Variants in KCNS1 observed in about 807,000 individuals in gnomAD.
KCNS1 encodes potassium voltage-gated channel modifier subfamily S member 1.
Under a neutral mutation model 33.1 loss-of-function variants are expected in KCNS1, and 26 were observed. The ratio of observed to expected loss-of-function variants is 0.79; its 90% confidence interval spans 0.58 to 1.09. KCNS1 has a LOEUF of 1.09. Ranked by LOEUF, KCNS1 falls within the 50% of genes least tolerant of loss-of-function variation. The pLI, the probability that KCNS1 is intolerant of heterozygous loss-of-function variation, is 0.00. For synonymous variants in KCNS1, 299 were observed against 338.8 expected, an observed-to-expected ratio of 0.88 and a Z score of 1.29; for missense variants, 702 against 752.4, an observed-to-expected ratio of 0.93 and a Z score of 0.78.
At chr20:45,100,383 GA>G (rs1256030697) in intron 1 of KCNS1, 11 of 152,224 alleles carry the variant, frequency 7.2e-5, no homozygotes, top group Middle Eastern at 3.2e-3. Flanking sequence ...ATCAAAAAAT[GA>G]AATTTCTAAT....
Position 45,099,250 on chromosome 20 carries a change from G to C in KCNS1, c.-3-11C>G, listed in dbSNP as rs376467089. On this transcript the variant is annotated splice_polypyrimidine_tract_variant and intron_variant, in intron 1 of 3. Transcript: ENST00000537075. ...CAGCATCAGCATCACCTGGGAATTT[G>C]TCAAAGATGCAAATTCTCAGCCTGC... 2.1e-5 allele frequency: 28 copies of C among 1,364,538 alleles called. No individual in the cohort carries two copies. In the African/African-American group the frequency reaches 3.0e-4, roughly 15 times the overall value. 84.5% of individuals were successfully genotyped at this position (1,364,538 alleles called of 1,614,324 possible).
At chr20:45,096,525 C>T (rs1032129781) in intron 3 of KCNS1, among the ~76,000 whole-genome samples, 10 of 152,176 alleles carry the variant, frequency 6.6e-5, no homozygotes, top group Non-Finnish European at 1.5e-4. Context: ...TGAGGGCATA[C>T]AAGAGGCTTT....
rs142611174 is a variant in KCNS1 at position 45,100,860 on chromosome 20, C to G, written c.-4+61G>C. On this transcript the variant is annotated intron_variant, in intron 1 of 3. Coordinates refer to ENST00000537075, the MANE Select transcript of KCNS1 (RefSeq NM_001322799.2). ...CCAGGAGCCCCAGGCAGCCCCGCCTCCCACTCTGGCTGCCCGGGACCGTCC... is the reference window on the plus strand; with the variant it reads ...CCAGGAGCCCCAGGCAGCCCCGCCTGCCACTCTGGCTGCCCGGGACCGTCC... The G allele has an allele frequency of 2.4e-3, 360 of 152,906 alleles. 1 individual carries two copies. The highest frequency in any genetic ancestry group is 8.4e-3 in the African/African-American group (349 of 41,566). The allele number at this position is 152,906 out of a possible 1,614,324, so 9.5% of individuals were successfully genotyped here. A position where few individuals can be genotyped will look rare whatever the true frequency, so the allele number is the denominator to read the frequency against.
Position 45,097,850 on chromosome 20 carries a change from T to C in KCNS1, c.922A>G (p.Ile308Val), listed in dbSNP as rs760582734. ...RNFFCHPLNL[I>V]DIVSVLPFYL... ...AAGGGCAGCACAGACACAATGTCGA[T>C]GAGGTTGAGCGGGTGGCAGAAGAAG... The change falls in exon 3 of 4, where the codon ATC becomes GTC. Residue 308 changes from isoleucine to valine, a missense_variant. Physicochemically the swap from Ile to Val is conservative, Grantham distance 29. Coordinates refer to ENST00000537075, the MANE Select transcript of KCNS1 (RefSeq NM_001322799.2). 1 of 1,613,506 alleles carries C rather than the reference T, an allele frequency of 6.2e-7. No homozygotes were observed. Among genetic ancestry groups the C allele is most frequent in the Non-Finnish European group, 8.5e-7 (1 of 1,179,894 alleles).
rs1301357992 is a variant in KCNS1 at position 45,099,148 on chromosome 20, T to C, written c.76+13A>G. On this transcript the variant is annotated intron_variant, in intron 2 of 3. Transcript: ENST00000537075. ...ACCTGTTTCTTCTGCAAAATGAGGA[T>C]AGTAACACTTACCTCCTAGGGGTGT... 4 of 1,550,858 alleles carry C rather than the reference T, an allele frequency of 2.6e-6. No homozygotes were observed. The highest frequency in any genetic ancestry group is 2.4e-5 in the East Asian group (1 of 40,898).
At chr20:45,097,378 C>A (rs978943904) in intron 3 of KCNS1, among the ~76,000 whole-genome samples, 4 of 152,222 alleles carry the variant, frequency 2.6e-5, no homozygotes, top group Non-Finnish European at 5.9e-5. Context: ...CAAAAGTGAT[C>A]TTTGTCTTTT....
At position 45,094,986 on chromosome 20, in the gene KCNS1, T is replaced by C. The variant is rs734784; in HGVS notation, c.1465A>G (p.Ile489Val). The change falls in exon 4 of 4, where the codon ATT becomes GTT. Residue 489 changes from isoleucine to valine, a missense_variant. Transcript: ENST00000537075. ...AGAGATGCCTCCGACACCCCATCAA[T>C]GCTGCTCAGCAAGTCCTCAAACTCT... ...HQEFEDLLSS[I>V]DGVSEASLET... 0.44 allele frequency: 709,808 copies of C among 1,613,382 alleles called. 160,825 individuals are homozygous for C. Among genetic ancestry groups the C allele is most frequent in the African/African-American group, 0.56 (41,982 of 74,776 alleles).
intron 3 of KCNS1, 44 bp from the exon 4 acceptor site, chr20:45,095,384 C>T: frequency 1.3e-6 from 2 of 1,545,100 alleles, no homozygotes; most frequent in Non-Finnish European, 1.8e-6. Context: ...GATGGGCTTA[C>T]AGTCCTGGTA....
chr20:45,097,747 T>C lies in KCNS1; in HGVS notation c.1025A>G (p.Gln342Arg), dbSNP rs1981232760. 2 of 1,612,950 alleles carry C rather than the reference T, an allele frequency of 1.2e-6. No individual in the cohort carries two copies. The highest frequency in any genetic ancestry group is 2.7e-5 in the African/African-American group (2 of 74,952). Reference sequence around the variant, plus strand: ...GAAGATGCGCATGAGGCGGAACACCTGCACCACCTTGCCCAGGTGGCCGAA... The same window carrying C: ...GAAGATGCGCATGAGGCGGAACACCCGCACCACCTTGCCCAGGTGGCCGAA... Reference protein sequence around the residue: ...KEFGHLGKVVQVFRLMRIFRV... With the variant: ...KEFGHLGKVVRVFRLMRIFRV... The change falls in exon 3 of 4, where the codon CAG (glutamine) becomes CGG (arginine). Residue 342 changes from glutamine to arginine, a missense_variant. Gln to Arg is a conservative substitution (Grantham distance 43, BLOSUM62 1). Transcript: ENST00000537075.
At position 45,098,641 on chromosome 20, in the gene KCNS1, C is replaced by A; in HGVS notation, c.131G>T (p.Arg44Leu). ...CAGCGCCTCGTCGCTTCGCCGCCAG[C>A]GGATCCCGGTGTCGGGGCCCGGGAA... ...SEFPGPDTGI[R>L]WRRSDEALRV... The change falls in exon 3 of 4, where the codon CGC becomes CTC. Residue 44 changes from arginine (R) to leucine (L), a missense_variant. Coordinates refer to ENST00000537075, the MANE Select transcript of KCNS1 (RefSeq NM_001322799.2). The surrounding 1 kb of genome is among the most constrained non-coding windows in gnomAD (Gnocchi z 5.2). 6.8e-7 allele frequency: 1 copy of A among 1,474,278 alleles called. No homozygotes were observed. The allele number at this position is 1,474,278 out of a possible 1,614,324, so 91.3% of individuals were successfully genotyped here.
chr20:45,099,180 C>G lies in KCNS1; in HGVS notation c.57G>C (p.Val19=). The change falls in exon 2 of 4, where the codon GTG becomes GTC. Residue 19 remains valine (V), a synonymous_variant. Transcript: ENST00000537075. ...THYENLRSKV[V]LPTPLGGRST... is the part of the protein sequence containing the mutation. Reference sequence around the variant, plus strand: ...ACTTACCTCCTAGGGGTGTTGGCAGCACCACTTTAGACCGGAGGTTCTCAT... The same window carrying G: ...ACTTACCTCCTAGGGGTGTTGGCAGGACCACTTTAGACCGGAGGTTCTCAT... The G allele has an allele frequency of 6.4e-7, 1 of 1,551,556 alleles. No individual in the cohort carries two copies. Among genetic ancestry groups the G allele is most frequent in the South Asian group, 1.2e-5 (1 of 84,062 alleles).
At position 45,095,258 on chromosome 20, in the gene KCNS1, T is replaced by C; in HGVS notation, c.1193A>G (p.Glu398Gly). The change falls in exon 4 of 4, where the codon GAA becomes GGA. Residue 398 changes from glutamate (E) to glycine (G), a missense_variant. Transcript: ENST00000537075. ...GTTAAAGCCCACGTCCTCCTCCTTT[T>C]CAGCTGTGTAGGCCACACCAGAGAA... Reference protein sequence around the residue: ...SVFSGVAYTAEKEEDVGFNTI... With the variant: ...SVFSGVAYTAGKEEDVGFNTI... 1.2e-6 allele frequency: 2 copies of C among 1,613,932 alleles called. No individual in the cohort carries two copies. Among genetic ancestry groups the C allele is most frequent in the Non-Finnish European group, 1.7e-6 (2 of 1,179,992 alleles).
At chr20:45,095,909 G>A (rs1981170483) in intron 3 of KCNS1, among the ~76,000 whole-genome samples, 1 of 128,326 alleles carries the variant, frequency 7.8e-6, no homozygotes, top group African/African-American at 2.9e-5. Flanking sequence ...CCTCCACCCC[G>A]CAAGGGACAT....
rs1324409961 is a variant in KCNS1 at position 45,097,606 on chromosome 20, C to T, written c.1110+56G>A. On this transcript the variant is annotated intron_variant, in intron 3 of 3. Coordinates refer to ENST00000537075, the MANE Select transcript of KCNS1 (RefSeq NM_001322799.2). ...CAGGCTTGTAAGTTCACCTGCTAAC[C>T]TGCCGGATGGCTACACCCGCCCACC... is the stretch of plus-strand genomic sequence containing the variant. 4 of 1,507,326 alleles carry T rather than the reference C, an allele frequency of 2.7e-6. No individual in the cohort carries two copies. In the South Asian group the frequency reaches 3.7e-5, roughly 14 times the overall value. 93.4% of individuals were successfully genotyped at this position (1,507,326 alleles called of 1,614,324 possible). A position where few individuals can be genotyped will look rare whatever the true frequency, so the allele number is the denominator to read the frequency against.
chr20:45,098,134 G>A lies in KCNS1; in HGVS notation c.638C>T (p.Pro213Leu). The A allele has an allele frequency of 6.2e-7, 1 of 1,605,094 alleles. No individual in the cohort carries two copies. The highest frequency in any genetic ancestry group is 8.5e-7 in the Non-Finnish European group (1 of 1,176,772). Residue 213 changes from proline (P) to leucine (L), a missense_variant, in exon 3 of 4, where the codon CCG becomes CTG. Transcript: ENST00000537075. The surrounding 1 kb of genome is among the most constrained non-coding windows in gnomAD (Gnocchi z 5.2). Reference protein sequence around the residue: ...RRRLWLTMENPGYSLPSKLFS... With the variant: ...RRRLWLTMENLGYSLPSKLFS... ...GAGCTTGCTCGGCAGCGAGTAGCCC[G>A]GGTTCTCCATGGTCAGCCAGAGGCG...
rs536644815 is a variant in KCNS1, at chr20:45,098,566, G to T, written c.206C>A (p.Ala69Glu). ...GCCCAGCCGCGTGCCCGGGAAGCGC[G>T]CCAGGGCGCGCGCGCTCAGCTGCCG... ...VRRQLSARAL[A>E]RFPGTRLGRL... Residue 69 changes from alanine (A) to glutamate (E), a missense_variant, in exon 3 of 4, where the codon GCG becomes GAG. Transcript: ENST00000537075. This position sits in a 1 kb window ranked among gnomAD's most constrained non-coding sequence, Gnocchi z 5.2. The T allele has an allele frequency of 2.4e-4, 332 of 1,386,382 alleles. 1 individual carries two copies. In the African/African-American group the frequency reaches 4.5e-3, roughly 19 times the overall value. 85.9% of individuals were successfully genotyped at this position (1,386,382 alleles called of 1,614,324 possible).
chr20:45,095,677 T>C (rs573556902), intron 3 of KCNS1, among the ~76,000 whole-genome samples: 145 of 152,328 alleles, frequency 9.5e-4, no homozygotes, highest in Middle Eastern at 3.4e-3. Context: ...AAGAGAACCA[T>C]AGTTTATATT....
Position 45,094,051 on chromosome 20 carries a change from C to T in KCNS1, c.*819G>A, listed in dbSNP as rs1427401564. 2 of 152,226 alleles carry T rather than the reference C, an allele frequency of 1.3e-5. No individual in the cohort carries two copies. Among genetic ancestry groups the T allele is most frequent in the Non-Finnish European group, 2.9e-5 (2 of 68,090 alleles). The allele number at this position is 152,226 out of a possible 1,614,324, so 9.4% of individuals were successfully genotyped here. On this transcript the variant is annotated 3_prime_UTR_variant, in exon 4 of 4. Coordinates refer to ENST00000537075, the MANE Select transcript of KCNS1 (RefSeq NM_001322799.2). The stretch of plus-strand genomic sequence containing the variant: ...GCAGCTAGGTTGTCTAGATCTCAGG[C>T]CAGGGGCCCTTCAGATTTTCTTTCT...
chr20:45,097,923 G>C lies in KCNS1; in HGVS notation c.849C>G (p.Phe283Leu), dbSNP rs745421048. The C allele has an allele frequency of 3.8e-6, 6 of 1,597,324 alleles. No individual in the cohort carries two copies. The highest frequency in any genetic ancestry group is 2.3e-5 in the South Asian group (2 of 88,802). ...GGAGGCGCGACGACACCTCGAAGCT[G>C]AACCAGGCGATGCAGAAGTACTCGA... ...RRLEYFCIAW[F>L]SFEVSSRLLL... Residue 283 changes from phenylalanine to leucine, a missense_variant, in exon 3 of 4, where the codon TTC becomes TTG. By Grantham distance (22) the Phe-to-Leu change is conservative. This residue lies in a region of KCNS1 where 253 missense variants were observed against 327.4 expected (regional missense o/e 0.77). Coordinates refer to ENST00000537075, the MANE Select transcript of KCNS1 (RefSeq NM_001322799.2).
Sources: gnomAD v4.1 joint callset for allele counts (sites outside exome capture counted in the v4.1 genomes callset) on GRCh38, gnomAD v4.1.1 for gene constraint, gnomAD v4.1.1 regional missense constraint, Gnocchi (gnomAD v3.1) non-coding constraint, MANE v1.5 for transcripts, NCBI Gene and HGNC (gene_info 2026-07-23, HGNC 2026-07-21) for gene names.